The following PRKG1 variants were observed in gnomAD, a reference collection of about 807,000 sequenced individuals.
The protein encoded by PRKG1 is cGMP-dependent protein kinase 1.
PRKG1 carries 35 observed loss-of-function variants against 88.1 expected under a neutral mutation model. The ratio of observed to expected loss-of-function variants is 0.40; its 90% CI spans 0.30 to 0.53. The LOEUF (loss-of-function observed/expected upper bound fraction) is 0.53, where lower values mean the gene tolerates loss of function less well. Among genes scored for constraint, PRKG1 ranks in the 20% least tolerant of loss-of-function variants. The pLI is 0.59. For synonymous variants in PRKG1, 303 were observed against 292.5 expected (o/e 1.04, Z -0.37); for missense variants, 540 against 839.8 (o/e 0.64, Z 4.41).
intron 3 of PRKG1, among the ~76,000 whole-genome samples, chr10:51,577,311 T>C (rs1432555368): frequency 6.6e-6 from 1 of 152,014 alleles, no homozygotes; most frequent in African/African-American, 2.4e-5. Flanking sequence ...CCATGTAGTA[T>C]TACCATAAAA....
intron 5 of PRKG1, among the ~76,000 whole-genome samples, chr10:51,992,630 C>A (rs1191217257): frequency 1.3e-5 from 2 of 152,138 alleles, no homozygotes. Context: ...AAAATCGTAT[C>A]TTTTCTCTAA....
At chr10:51,885,062 C>T (rs928248104) in intron 4 of PRKG1, among the ~76,000 whole-genome samples, 2 of 152,148 alleles carry the variant, frequency 1.3e-5, no homozygotes, top group Non-Finnish European at 2.9e-5. Context: ...ACTGACATAC[C>T]GTGCAATCTT....
intron 9 of PRKG1, among the ~76,000 whole-genome samples, chr10:52,250,510 G>C (rs1841144819): frequency 6.6e-6 from 1 of 152,120 alleles, no homozygotes; most frequent in Admixed American, 6.5e-5. Context: ...CTATGCAAAA[G>C]TATACATAAA....
intron 2 of PRKG1, among the ~76,000 whole-genome samples, chr10:51,399,991 C>T (rs1588917941): frequency 1.3e-5 from 2 of 152,180 alleles, no homozygotes; most frequent in African/African-American, 4.8e-5. Flanking sequence ...TTTCTCAAAT[C>T]TGGCTCTCCA....
At chr10:51,630,055 C>T (rs747929885) in intron 3 of PRKG1, among the ~76,000 whole-genome samples, 43 of 152,148 alleles carry the variant, frequency 2.8e-4, no homozygotes, top group Non-Finnish European at 5.1e-4. Context: ...AGGTTGAAAA[C>T]GTCACACAAG....
At chr10:51,000,722 C>T (rs1023495783) in intron 1 of PRKG1, among the ~76,000 whole-genome samples, 4 of 151,688 alleles carry the variant, frequency 2.6e-5, no homozygotes, top group Non-Finnish European at 4.4e-5. Flanking sequence ...GAGGGTAAGG[C>T]TAAGTATTAA....
intron 1 of PRKG1, among the ~76,000 whole-genome samples, chr10:51,142,611 C>T (rs758028005): frequency 8.6e-5 from 13 of 152,000 alleles, no homozygotes; most frequent in Admixed American, 2.0e-4. Flanking sequence ...TGTTTTATTG[C>T]AGGCTGATAG....
chr10:51,283,856 G>A (rs1345185898), intron 2 of PRKG1, among the ~76,000 whole-genome samples: 2 of 152,030 alleles, frequency 1.3e-5, no homozygotes, highest in Admixed American at 6.6e-5. Flanking sequence ...CCCAACTCCA[G>A]GCTAAAACCC....
chr10:52,082,878 ATAAT>A (rs1433068062), intron 7 of PRKG1, among the ~76,000 whole-genome samples: 1 of 152,160 alleles, frequency 6.6e-6, no homozygotes, highest in Non-Finnish European at 1.5e-5. Context: ...TTTGCTTCTA[ATAAT>A]TGATGACAAG....
At chr10:51,662,819 G>C (rs1259222145) in intron 3 of PRKG1, among the ~76,000 whole-genome samples, 1 of 152,026 alleles carries the variant, frequency 6.6e-6, no homozygotes, top group Admixed American at 6.6e-5. Context: ...AATCACAAAG[G>C]GTAGCAAGTT....
At chr10:52,249,008 G>C (rs1012852585) in intron 9 of PRKG1, among the ~76,000 whole-genome samples, 1 of 9,514 alleles carries the variant, frequency 1.1e-4, no homozygotes, top group Non-Finnish European at 2.2e-4. Context: ...TTCTCCCCCC[G>C]CCTCCTTCCC....
intron 9 of PRKG1, among the ~76,000 whole-genome samples, chr10:52,194,772 C>A (rs1264211291): frequency 2.0e-5 from 3 of 151,962 alleles, no homozygotes; most frequent in African/African-American, 4.8e-5. Context: ...TATTAAAGCA[C>A]AATAAAAAGC....
intron 9 of PRKG1, among the ~76,000 whole-genome samples, chr10:52,198,376 G>T (rs1223761470): frequency 6.6e-6 from 1 of 152,144 alleles, no homozygotes; most frequent in Non-Finnish European, 1.5e-5. Context: ...TTGAGCCAAA[G>T]AAATTGTGTT....
intron 3 of PRKG1, among the ~76,000 whole-genome samples, chr10:51,573,400 A>G (rs1230217277): frequency 6.6e-6 from 1 of 151,930 alleles, no homozygotes; most frequent in African/African-American, 2.4e-5. Context: ...ACTCTGAATG[A>G]TATATAAATT....
intron 7 of PRKG1, among the ~76,000 whole-genome samples, chr10:52,067,009 GT>G (rs1056061800): frequency 1.3e-5 from 2 of 151,838 alleles, no homozygotes; most frequent in African/African-American, 4.8e-5. Context: ...CTGTGTCTAG[GT>G]TTTTTTAATC....
At chr10:52,048,943 A>C (rs1462407933) in intron 5 of PRKG1, among the ~76,000 whole-genome samples, 2 of 152,158 alleles carry the variant, frequency 1.3e-5, no homozygotes, top group Non-Finnish European at 2.9e-5. Flanking sequence ...CACTGTTCAA[A>C]CTGAAGCAAT....
intron 2 of PRKG1, among the ~76,000 whole-genome samples, chr10:51,287,154 C>T (rs10996582): frequency 2.0e-5 from 3 of 152,144 alleles, no homozygotes; most frequent in African/African-American, 2.4e-5. Context: ...TGGTATTACA[C>T]GTATAAGCCA....
chr10:51,074,698 C>G lies in PRKG1; in HGVS notation c.108C>G (p.Asp36Glu), dbSNP rs1843901486. 1 of 1,613,818 alleles carries G rather than the reference C, an allele frequency of 6.2e-7. No individual in the cohort carries two copies. Among genetic ancestry groups the G allele is most frequent in the Non-Finnish European group, 8.5e-7 (1 of 1,179,944 alleles). Reference protein sequence around the residue: ...DELELELDQKDELIQKLQNEL... With the variant: ...DELELELDQKEELIQKLQNEL... ...TGGAGCTGGAGTTGGATCAGAAGGA[C>G]GAACTGATCCAGAAGCTGCAGAACG... The change falls in exon 1 of 18, where the codon GAC becomes GAG. Residue 36 changes from aspartate to glutamate, a missense_variant. Asp to Glu is a conservative substitution (Grantham distance 45). Coordinates refer to ENST00000373980, the MANE Select transcript of PRKG1 (RefSeq NM_006258.4).
At chr10:52,289,109 C>A in intron 16 of PRKG1, 116 bp downstream of exon 16, 1 of 961,162 alleles carries the variant, frequency 1.0e-6, no homozygotes, top group Non-Finnish European at 1.6e-6. Context: ...CCAAAGACAG[C>A]GTATAAACTA....
Sources: allele counts gnomAD v4.1 joint callset (sites outside exome capture counted in the v4.1 genomes callset), GRCh38; gene constraint gnomAD v4.1.1; transcripts MANE v1.5; gene names NCBI Gene and HGNC (gene_info 2026-07-23, HGNC 2026-07-21).